Variants in ARHGEF28 observed in about 807,000 individuals in gnomAD.
ARHGEF28 encodes Rho guanine nucleotide exchange factor 28, also known as 190 kDa guanine nucleotide exchange factor.
Under a neutral mutation model 206.6 loss-of-function variants are expected in ARHGEF28, and 152 were observed. The ratio of observed to expected loss-of-function variants is 0.74; its 90% CI spans 0.64 to 0.84. The LOEUF is 0.84. Ranked by LOEUF, ARHGEF28 falls within the 40% of genes least tolerant of loss-of-function variation. ARHGEF28 has a pLI of 0.00. For missense variants in ARHGEF28, 2,028 were observed against 2,073.2 expected (o/e 0.98, Z 0.42); for synonymous variants, 763 against 776.4 (o/e 0.98, Z 0.29).
intron 22 of ARHGEF28, among the ~76,000 whole-genome samples, chr5:73,879,467 A>T (rs1287703723): frequency 6.6e-6 from 1 of 152,148 alleles, no homozygotes; most frequent in Non-Finnish European, 1.5e-5. Context: ...GTTGCTGGTG[A>T]GGAACTGCAT....
intron 1 of ARHGEF28, among the ~76,000 whole-genome samples, chr5:73,680,983 A>G (rs1034128569): frequency 4.6e-5 from 7 of 152,064 alleles, no homozygotes; most frequent in South Asian, 2.1e-4. Context: ...GATTACAGAC[A>G]TGAACCACCA....
chr5:73,715,877 A>C (rs1290758922), intron 2 of ARHGEF28, among the ~76,000 whole-genome samples: 2 of 152,234 alleles, frequency 1.3e-5, no homozygotes, highest in Non-Finnish European at 2.9e-5. Flanking sequence ...GGCTTTGCAA[A>C]GAAGGCTTGC....
intron 35 of ARHGEF28, among the ~76,000 whole-genome samples, chr5:73,930,234 C>A (rs1764031945): frequency 6.6e-6 from 1 of 152,188 alleles, no homozygotes; most frequent in Non-Finnish European, 1.5e-5. Context: ...TATGAGAACT[C>A]CAGTTCCCCC....
At chr5:73,901,582 A>C in intron 31 of ARHGEF28, 1 of 174,368 alleles carries the variant, frequency 5.7e-6, no homozygotes, top group Non-Finnish European at 1.2e-5. Context: ...TGCCCTGCAA[A>C]CCTTTGCTTC....
At chr5:73,921,892 C>T (rs1279225614) in intron 35 of ARHGEF28, among the ~76,000 whole-genome samples, 3 of 152,278 alleles carry the variant, frequency 2.0e-5, no homozygotes, top group South Asian at 2.1e-4. Context: ...CCAGTGATCT[C>T]GGCACCCTGT....
At chr5:73,699,225 C>T (rs868491593) in intron 2 of ARHGEF28, among the ~76,000 whole-genome samples, 9 of 151,294 alleles carry the variant, frequency 5.9e-5, no homozygotes, top group Admixed American at 1.3e-4. Context: ...AGTGCAATTT[C>T]TGAATAACCG....
rs376228602 is a variant in ARHGEF28 at position 73,846,472 on chromosome 5, G to A, written c.1632G>A (p.Ser544=). 4.3e-6 allele frequency: 7 copies of A among 1,612,344 alleles called. No individual in the cohort carries two copies. Among genetic ancestry groups the A allele is most frequent in the African/African-American group, 4.0e-5 (3 of 74,844 alleles). The change falls in exon 12 of 36, where the codon TCG becomes TCA. Residue 544 remains serine, a synonymous_variant. Coordinates refer to ENST00000513042, the MANE Select transcript of ARHGEF28 (RefSeq NM_001177693.2). ...ESLPLSSNLQ[S]KESLLSGVRS... is the part of the protein sequence containing the mutation. ...TTCCTCTATCAAGTAATCTACAGTC[G>A]AAGGTATTCTTATTGCTATTAATTT...
chr5:73,772,493 C>T (rs1753275625), intron 4 of ARHGEF28, among the ~76,000 whole-genome samples: 1 of 152,112 alleles, frequency 6.6e-6, no homozygotes, highest in Admixed American at 6.5e-5. Flanking sequence ...ATCCTCCCAC[C>T]TCAGCCTGCT....
chr5:73,811,980 CA>C (rs11337063), intron 9 of ARHGEF28, among the ~76,000 whole-genome samples: 47,317 of 114,278 alleles, frequency 0.41, 7,541 homozygotes, highest in East Asian at 0.51. Flanking sequence ...GAGCCTGTCT[CA>C]AAAAAAAAAA....
At position 73,872,455 on chromosome 5, in the gene ARHGEF28, A is replaced by T. The variant is rs866482624; in HGVS notation, c.2567-544A>T. ...TGTGCGTTTTCTTTTCACTTTCTTGATGATGTCCTTTGATTGATTGTGATG... is the reference window on the plus strand; with the variant it reads ...TGTGCGTTTTCTTTTCACTTTCTTGTTGATGTCCTTTGATTGATTGTGATG... On this transcript the variant is annotated intron_variant, in intron 21 of 35. Coordinates refer to ENST00000513042, the MANE Select transcript of ARHGEF28 (RefSeq NM_001177693.2). 2.0e-5 allele frequency among the ~76,000 whole-genome samples: 3 copies of T among 151,848 alleles called. No individual in the cohort carries two copies. The South Asian group carries it at 6.2e-4, about 32-fold the overall frequency.
In ARHGEF28 at chr5:73,885,924, A is replaced by G. The variant is rs1415639407; in HGVS notation, c.3130A>G (p.Lys1044Glu). Reference sequence around the variant, plus strand: ...AGACATGATTGCAACAGTGGATTTAAAAGTCAATGAATATGAGAAAAACCA... The same window carrying G: ...AGACATGATTGCAACAGTGGATTTAGAAGTCAATGAATATGAGAAAAACCA... ...IKDMIATVDL[K>E]VNEYEKNQKW... Residue 1044 changes from lysine to glutamate, a missense_variant, in exon 25 of 36, where the codon AAA (lysine) becomes GAA (glutamate). By Grantham distance (56) the Lys-to-Glu change is moderately conservative. Transcript: ENST00000513042. 2 of 1,613,592 alleles carry G rather than the reference A, an allele frequency of 1.2e-6. No individual in the cohort carries two copies. Among genetic ancestry groups the G allele is most frequent in the African/African-American group, 2.7e-5 (2 of 74,908 alleles).
At chr5:73,891,776 C>T (rs1021078232) in intron 26 of ARHGEF28, among the ~76,000 whole-genome samples, 117 of 152,252 alleles carry the variant, frequency 7.7e-4, no homozygotes, top group Middle Eastern at 3.4e-3. Context: ...TCACCTGCCT[C>T]GGCCTCCCAA....
At chr5:73,897,580 A>C (rs1385793217) in intron 29 of ARHGEF28, among the ~76,000 whole-genome samples, 1 of 152,270 alleles carries the variant, frequency 6.6e-6, no homozygotes, top group Non-Finnish European at 1.5e-5. Context: ...GTTTTTAGGC[A>C]TACCAGTTTA....
intron 4 of ARHGEF28, among the ~76,000 whole-genome samples, chr5:73,768,191 A>T (rs1222316717): frequency 6.6e-6 from 1 of 151,638 alleles, no homozygotes; most frequent in Non-Finnish European, 1.5e-5. Context: ...GGTAGTGTGG[A>T]TGGGAAATGT....
chr5:73,635,358 A>C (rs893939940), intron 1 of ARHGEF28, among the ~76,000 whole-genome samples: 3 of 152,134 alleles, frequency 2.0e-5, no homozygotes, highest in Non-Finnish European at 4.4e-5. Flanking sequence ...AAAAAGAAAG[A>C]AAGCCATTTT....
At chr5:73,644,367 G>T (rs1744304951) in intron 1 of ARHGEF28, among the ~76,000 whole-genome samples, 1 of 152,190 alleles carries the variant, frequency 6.6e-6, no homozygotes, top group East Asian at 1.9e-4. Flanking sequence ...TTATTGTGAT[G>T]ATTTCCTGGC....
At position 73,934,916 on chromosome 5, in the gene ARHGEF28, G is replaced by A. The variant is rs1226145146; in HGVS notation, c.4949-5928G>A. Reference sequence around the variant, plus strand: ...GCATCTCAAGGAAGAGGGAAATGTAGAATTGTTTGCCCCATACTCCCACGG... The same window carrying A: ...GCATCTCAAGGAAGAGGGAAATGTAAAATTGTTTGCCCCATACTCCCACGG... On this transcript the variant is annotated intron_variant, in intron 35 of 35. Transcript: ENST00000513042. Among the ~76,000 whole-genome samples, 4 of 152,210 alleles carry A rather than the reference G, an allele frequency of 2.6e-5. No homozygotes were observed. In the East Asian group the frequency reaches 7.7e-4, roughly 29 times the overall value.
At chr5:73,692,778 G>A (rs2112267379) in intron 2 of ARHGEF28, among the ~76,000 whole-genome samples, 1 of 152,354 alleles carries the variant, frequency 6.6e-6, no homozygotes, top group South Asian at 2.1e-4. Context: ...TCTTATTGAG[G>A]TAGTAAGTGA....
chr5:73,892,283 A>G, intron 27 of ARHGEF28, 53 bp downstream of exon 27: 1 of 1,514,068 alleles, frequency 6.6e-7, no homozygotes, highest in Non-Finnish European at 8.9e-7. Flanking sequence ...CAACTGGGGA[A>G]AATATTCTAA....
Sources: allele counts gnomAD v4.1 joint callset (sites outside exome capture counted in the v4.1 genomes callset), GRCh38; gene constraint gnomAD v4.1.1; transcripts MANE v1.5; gene names NCBI Gene and HGNC (gene_info 2026-07-23, HGNC 2026-07-21).